MYOF: variants seen among roughly 807,000 people sequenced by gnomAD.
The protein encoded by MYOF is myoferlin.
A neutral mutation model predicts 284.2 loss-of-function variants in MYOF; 244 were observed. The ratio of observed to expected loss-of-function variants is 0.86; its 90% confidence interval spans 0.77 to 0.95. The LOEUF (loss-of-function observed/expected upper bound fraction) is 0.95, where lower values mean the gene tolerates loss of function less well. Among genes scored for constraint, MYOF ranks in the 40% least tolerant of loss-of-function variants. The probability of loss-of-function intolerance (pLI) is 0.00; values close to 1 mark genes in which losing one functional copy is unlikely to be tolerated. For synonymous variants in MYOF, 904 were observed against 919.7 expected (o/e 0.98, Z 0.31); for missense variants, 2,496 against 2,560.6 (o/e 0.97, Z 0.54).
rs66923086 is a variant in MYOF, at chr10:93,369,110, C to CTTTTTTTTTTTTT, written c.2589+522_2589+534dup. ...TATTGTTTTAGAAGTATTCAGACAG[C>CTTTTTTTTTTTTT]TTTTTTTTTTTTTTTTTTTTTTGCC... On this transcript the variant is annotated intron_variant, in intron 25 of 53. Coordinates refer to ENST00000359263, the MANE Select transcript of MYOF (RefSeq NM_013451.4). Among the ~76,000 whole-genome samples, 33 of 78,312 alleles carry CTTTTTTTTTTTTT rather than the reference C, an allele frequency of 4.2e-4. 6 individuals carry two copies. Among genetic ancestry groups the CTTTTTTTTTTTTT allele is most frequent in the African/African-American group, 1.6e-3 (25 of 15,448 alleles). The allele number at this position is 78,312 out of a possible 152,430, so 51.4% of individuals were successfully genotyped here.
Position 93,349,982 on chromosome 10 carries a change from T to C in MYOF, c.3922-13A>G. On this transcript the variant is annotated splice_polypyrimidine_tract_variant and intron_variant, in intron 35 of 53. Coordinates refer to ENST00000359263, the MANE Select transcript of MYOF (RefSeq NM_013451.4). The stretch of plus-strand genomic sequence containing the variant: ...CCCAAGCTAGAATCTATGAAAACGA[T>C]TTAAAGAGAGGGGAAGGTAACTCAG... The C allele has an allele frequency of 6.2e-7, 1 of 1,611,184 alleles. No individual in the cohort carries two copies. The highest frequency in any genetic ancestry group is 2.2e-5 in the East Asian group (1 of 44,838).
rs1353245527 is a variant in MYOF at position 93,361,443 on chromosome 10, C to T, written c.2974+9G>A. On this transcript the variant is annotated intron_variant, in intron 28 of 53. Coordinates refer to ENST00000359263, the MANE Select transcript of MYOF (RefSeq NM_013451.4). ...GAGCCCCAATCAGGTCACAGATGTA[C>T]AATGTTACCTTTCTCATCCACCGCT... is the stretch of plus-strand genomic sequence containing the variant. The T allele has an allele frequency of 6.2e-7, 1 of 1,613,144 alleles. No homozygotes were observed. The highest frequency in any genetic ancestry group is 1.3e-5 in the African/African-American group (1 of 75,030).
At chr10:93,382,264 G>A (rs1846158169) in intron 19 of MYOF, among the ~76,000 whole-genome samples, 1 of 151,282 alleles carries the variant, frequency 6.6e-6, no homozygotes, top group African/African-American at 2.4e-5. Flanking sequence ...TTTGAGACAG[G>A]GTCTCATGCT....
At chr10:93,431,320 A>T in intron 4 of MYOF, 88 bp downstream of exon 4, 4 of 1,123,628 alleles carry the variant, frequency 3.6e-6, no homozygotes, top group Non-Finnish European at 5.3e-6. Flanking sequence ...GGTGTGAGCC[A>T]CCACGCCCGG....
rs1051889912 is a variant in MYOF at position 93,313,113 on chromosome 10, G to T, written c.5796C>A (p.Pro1932=). Residue 1932 remains proline, a synonymous_variant, in exon 51 of 54, where the codon CCC becomes CCA. Transcript: ENST00000359263. ...AGAGGGAGGCTGTCTTGGCTTTAAG[G>T]GGGTTCATGGCTTTGAGGTCCGGAA... ...DMIPDLKAMN[P]LKAKTASLFE... 1 of 1,614,092 alleles carries T rather than the reference G, an allele frequency of 6.2e-7. No individual in the cohort carries two copies. The highest frequency in any genetic ancestry group is 1.3e-5 in the African/African-American group (1 of 75,050).
intron 53 of MYOF, among the ~76,000 whole-genome samples, chr10:93,309,657 C>A (rs1842297623): frequency 6.6e-6 from 1 of 151,930 alleles, no homozygotes; most frequent in African/African-American, 2.4e-5. Context: ...GAAGCTAGGA[C>A]AAGGAATTAG....
chr10:93,419,505 G>A (rs554681973), intron 5 of MYOF, among the ~76,000 whole-genome samples: 41 of 152,134 alleles, frequency 2.7e-4, no homozygotes, highest in Admixed American at 2.0e-3. Flanking sequence ...ACCATATTCA[G>A]TGCCCATCTA....
chr10:93,317,167 A>ACAGTATC (rs78870911), intron 49 of MYOF, among the ~76,000 whole-genome samples: 33,849 of 138,098 alleles, frequency 0.25, 5,067 homozygotes, highest in Non-Finnish European at 0.33. Context: ...AGATCAGCCC[A>ACAGTATC]CAGTATCACC....
At chr10:93,478,825 C>CAAA (rs796689657) in intron 1 of MYOF, among the ~76,000 whole-genome samples, 14 of 103,646 alleles carry the variant, frequency 1.4e-4, no homozygotes, top group African/African-American at 3.5e-4. Flanking sequence ...GAAACAGTCT[C>CAAA]AAAAAAAAAA....
chr10:93,394,264 G>T (rs572655027), intron 16 of MYOF, among the ~76,000 whole-genome samples: 4 of 151,496 alleles, frequency 2.6e-5, no homozygotes, highest in East Asian at 3.9e-4. Flanking sequence ...ACCACACCCG[G>T]CTAATTTTTG....
In MYOF at chr10:93,310,480, G is replaced by A. The variant is rs1416194855; in HGVS notation, c.5999+54C>T. On this transcript the variant is annotated intron_variant, in intron 52 of 53. Coordinates refer to ENST00000359263, the MANE Select transcript of MYOF (RefSeq NM_013451.4). Reference sequence around the variant, plus strand: ...CATCCCATTAAGCCAATGGGAAGGGGGGCTCTCAGCCTGCAGGTGTTTGGG... The same window carrying A: ...CATCCCATTAAGCCAATGGGAAGGGAGGCTCTCAGCCTGCAGGTGTTTGGG... 6 of 1,549,900 alleles carry A rather than the reference G, an allele frequency of 3.9e-6. No homozygotes were observed. The Admixed American group carries it at 8.4e-5, about 22-fold the overall frequency.
At chr10:93,439,324 A>T (rs571039268) in intron 3 of MYOF, among the ~76,000 whole-genome samples, 3 of 152,284 alleles carry the variant, frequency 2.0e-5, no homozygotes, top group Admixed American at 2.0e-4. Flanking sequence ...GAGATGCTGA[A>T]TATTATTTCT....
intron 3 of MYOF, among the ~76,000 whole-genome samples, chr10:93,434,851 A>G (rs1274081164): frequency 6.6e-6 from 1 of 152,124 alleles, no homozygotes; most frequent in Non-Finnish European, 1.5e-5. Flanking sequence ...CCCGTGACAT[A>G]CTGAAGACAC....
In MYOF at chr10:93,359,712, T is replaced by C. The variant is rs139441266; in HGVS notation, c.3120+121A>G. Reference sequence around the variant, plus strand: ...GGGGTGGGCTCACTTTGAGAACCCTTGAGTGGAGTGTTAGGCTCTGGATTT... The same window carrying C: ...GGGGTGGGCTCACTTTGAGAACCCTCGAGTGGAGTGTTAGGCTCTGGATTT... On this transcript the variant is annotated intron_variant, in intron 29 of 53. Transcript: ENST00000359263. The C allele has an allele frequency of 8.9e-5, 119 of 1,335,266 alleles. No homozygotes were observed. In the African/African-American group the frequency reaches 1.5e-3, roughly 17 times the overall value. 82.7% of individuals were successfully genotyped at this position (1,335,266 alleles called of 1,614,324 possible).
chr10:93,343,505 C>T (rs1207471927), intron 38 of MYOF, among the ~76,000 whole-genome samples: 1 of 152,226 alleles, frequency 6.6e-6, no homozygotes, highest in Non-Finnish European at 1.5e-5. Context: ...ACTGTCCACA[C>T]CTGTGGTTCT....
intron 7 of MYOF, among the ~76,000 whole-genome samples, chr10:93,407,287 G>A (rs1268736874): frequency 6.6e-6 from 1 of 151,968 alleles, no homozygotes; most frequent in African/African-American, 2.4e-5. Context: ...TTAGCTGAGC[G>A]TGGTGGTGTG....
chr10:93,460,972 G>A (rs1040418576), intron 1 of MYOF, among the ~76,000 whole-genome samples: 2 of 151,686 alleles, frequency 1.3e-5, no homozygotes, highest in Admixed American at 1.3e-4. Flanking sequence ...GTGGGCACCT[G>A]TAATCCCCGA....
Position 93,387,977 on chromosome 10 carries a change from T to C in MYOF, c.1582-64A>G, listed in dbSNP as rs547891657. The stretch of plus-strand genomic sequence containing the variant: ...AACAGCAAAAAGAATTCTGTGTCTC[T>C]AGTCAGGCTAATACAACTGCAAAAA... On this transcript the variant is annotated intron_variant, in intron 18 of 53. Transcript: ENST00000359263. 1.2e-5 allele frequency: 16 copies of C among 1,319,610 alleles called. No individual in the cohort carries two copies. In the African/African-American group the frequency reaches 2.2e-4, roughly 18 times the overall value. The allele number at this position is 1,319,610 out of a possible 1,614,324, so 81.7% of individuals were successfully genotyped here.
At chr10:93,476,966 G>A (rs1164699229) in intron 1 of MYOF, among the ~76,000 whole-genome samples, 1 of 152,166 alleles carries the variant, frequency 6.6e-6, no homozygotes, top group Non-Finnish European at 1.5e-5. Context: ...ATGGAATGGG[G>A]GATATTGTAA....
Sources: gnomAD v4.1 joint callset for allele counts (sites outside exome capture counted in the v4.1 genomes callset) on GRCh38, gnomAD v4.1.1 for gene constraint, MANE v1.5 for transcripts, NCBI Gene and HGNC (gene_info 2026-07-23, HGNC 2026-07-21) for gene names.